The following MAP3K10 variants were observed in gnomAD, a reference collection of about 807,000 sequenced individuals.
The protein encoded by MAP3K10 is mitogen-activated protein kinase kinase kinase 10, also known as MKN28 derived nonreceptor_type serine/threonine kinase.
MAP3K10 carries 22 observed loss-of-function variants against 75.0 expected under a neutral mutation model. The ratio of observed to expected loss-of-function variants is 0.29; its 90% CI spans 0.21 to 0.42. The LOEUF is 0.42. MAP3K10 is among the 10% of genes least tolerant of loss of function. The pLI, the probability that MAP3K10 is intolerant of heterozygous loss-of-function variation, is 1.00. For missense variants in MAP3K10, 1,165 were observed against 1,379.8 expected, an observed-to-expected ratio of 0.84 and a Z score of 2.47; for synonymous variants, 599 against 612.9, an observed-to-expected ratio of 0.98 and a Z score of 0.34.
chr19:40,211,888 T>A lies in MAP3K10; in HGVS notation c.1553-917T>A, dbSNP rs574841394. Among the ~76,000 whole-genome samples the A allele has an allele frequency of 1.8e-4, 27 of 152,252 alleles. No individual in the cohort carries two copies. In the East Asian group the frequency reaches 5.0e-3, roughly 28 times the overall value. ...ACAGGCCTGCACCACCATGCCTGGCTAATTTTTGTATTTTTAGTAGAGATG... is the reference window on the plus strand; with the variant it reads ...ACAGGCCTGCACCACCATGCCTGGCAAATTTTTGTATTTTTAGTAGAGATG... On this transcript the variant is annotated intron_variant, in intron 6 of 9. Transcript: ENST00000253055.
chr19:40,214,686 A>C (rs1019148321), intron 9 of MAP3K10, among the ~76,000 whole-genome samples: 3 of 152,044 alleles, frequency 2.0e-5, no homozygotes, highest in Non-Finnish European at 4.4e-5. Flanking sequence ...AGTGCAGGAG[A>C]GTCGGGAAGA....
At chr19:40,197,216 G>T (rs1486271749) in intron 1 of MAP3K10, among the ~76,000 whole-genome samples, 1 of 152,168 alleles carries the variant, frequency 6.6e-6, no homozygotes, top group Non-Finnish European at 1.5e-5. Flanking sequence ...GTGCAAGAGG[G>T]CCAGCAGACA....
chr19:40,193,529 G>C (rs544197059), intron 1 of MAP3K10, among the ~76,000 whole-genome samples: 1 of 152,308 alleles, frequency 6.6e-6, no homozygotes, highest in African/African-American at 2.4e-5. Flanking sequence ...TATTAATTGA[G>C]CACCTATTAA....
Position 40,213,217 on chromosome 19 carries a change from G to A in MAP3K10, c.1837+29G>A. ...AGAGCCTGGGTTCTTGTAAGGGGGT[G>A]GGGGTTCCCTGGCCAAAGGGGTGAG... On this transcript the variant is annotated intron_variant, in intron 8 of 9. Coordinates refer to ENST00000253055, the MANE Select transcript of MAP3K10 (RefSeq NM_002446.4). This position sits in a 1 kb window ranked among gnomAD's most constrained non-coding sequence, Gnocchi z 5.7. 1 of 1,535,044 alleles carries A rather than the reference G, an allele frequency of 6.5e-7. No homozygotes were observed. The highest frequency in any genetic ancestry group is 8.8e-7 in the Non-Finnish European group (1 of 1,139,478).
intron 6 of MAP3K10, among the ~76,000 whole-genome samples, chr19:40,211,750 C>T (rs979349471): frequency 1.1e-4 from 17 of 152,086 alleles, no homozygotes; most frequent in South Asian, 4.2e-4. Flanking sequence ...GTGAGACAGA[C>T]GCTCGCTCTG....
chr19:40,207,282 C>T (rs1052109680), intron 5 of MAP3K10, among the ~76,000 whole-genome samples: 3 of 151,754 alleles, frequency 2.0e-5, no homozygotes, highest in Non-Finnish European at 2.9e-5. Flanking sequence ...GAGGGAGGCA[C>T]GTAGTGTCTA....
rs914609875 is a variant in MAP3K10, at chr19:40,208,533, T to G, written c.1436-570T>G. ...TTTAAAATTTAAACTCAAATTGCGGTAATTACAATAAAATAAAGAGTTGGC... is the reference window on the plus strand; with the variant it reads ...TTTAAAATTTAAACTCAAATTGCGGGAATTACAATAAAATAAAGAGTTGGC... On this transcript the variant is annotated intron_variant, in intron 5 of 9. Transcript: ENST00000253055. Among the ~76,000 whole-genome samples the G allele has an allele frequency of 2.7e-5, 4 of 150,174 alleles. No homozygotes were observed. The South Asian group carries it at 8.5e-4, about 32-fold the overall frequency.
chr19:40,215,305 A>G lies in MAP3K10; in HGVS notation c.*13A>G, dbSNP rs769951373. On this transcript the variant is annotated 3_prime_UTR_variant, in exon 10 of 10. Transcript: ENST00000253055. ...CGGCTCCCACTAAGGCCTGCCCACC[A>G]CCGCCCGCCTGGGCAGCCATGAATG... The G allele has an allele frequency of 1.3e-5, 19 of 1,495,706 alleles. 1 individual carries two copies. In the South Asian group the frequency reaches 2.4e-4, roughly 19 times the overall value. The allele number at this position is 1,495,706 out of a possible 1,614,324, so 92.7% of individuals were successfully genotyped here. A position where few individuals can be genotyped will look rare whatever the true frequency, so the allele number is the denominator to read the frequency against.
intron 1 of MAP3K10, among the ~76,000 whole-genome samples, chr19:40,197,652 T>G (rs1040075522): frequency 6.6e-6 from 1 of 152,046 alleles, no homozygotes; most frequent in Non-Finnish European, 1.5e-5. Context: ...GCAGAAAGAA[T>G]GGCAAAGTCT....
chr19:40,214,046 CAGCACCA>C lies in MAP3K10; in HGVS notation c.2369_2375del (p.Ser790ThrfsTer30). The C allele has an allele frequency of 6.5e-7, 1 of 1,538,724 alleles. No homozygotes were observed. Among genetic ancestry groups the C allele is most frequent in the Non-Finnish European group, 8.7e-7 (1 of 1,148,876 alleles). On this transcript the variant is annotated frameshift_variant, in exon 9 of 10. Coordinates refer to ENST00000253055, the MANE Select transcript of MAP3K10 (RefSeq NM_002446.4). LOFTEE classifies it high-confidence loss of function. ...CCGCGCCCACACCCACGCCCTCGCC[CAGCACCA>C]ACCCCCTGGTGGACCTGGAGCTGGA... is the stretch of plus-strand genomic sequence containing the variant.
intron 5 of MAP3K10, among the ~76,000 whole-genome samples, 155 bp from the exon 6 acceptor site, chr19:40,208,948 T>C (rs1260637942): frequency 6.6e-6 from 1 of 152,206 alleles, no homozygotes; most frequent in African/African-American, 2.4e-5. Flanking sequence ...GTGATGCTGC[T>C]GTTCTGGGGC....
chr19:40,192,107 G>C lies in MAP3K10; in HGVS notation c.76G>C (p.Asp26His). The C allele has an allele frequency of 1.3e-6, 2 of 1,559,902 alleles. No homozygotes were observed. The highest frequency in any genetic ancestry group is 1.7e-6 in the Non-Finnish European group (2 of 1,156,174). ...GGGGCCCGTCTGGACCGCGGTGTTC[G>C]ACTACGAGGCGGCGGGCGACGAGGA... Reference protein sequence around the residue: ...PAGPVWTAVFDYEAAGDEELT... With the variant: ...PAGPVWTAVFHYEAAGDEELT... Residue 26 changes from aspartate to histidine, a missense_variant, in exon 1 of 10, where the codon GAC becomes CAC. Coordinates refer to ENST00000253055, the MANE Select transcript of MAP3K10 (RefSeq NM_002446.4). The surrounding 1 kb of genome is among the most constrained non-coding windows in gnomAD (Gnocchi z 7.1).
rs978057379 is a variant in MAP3K10, at chr19:40,212,902, C to G, written c.1650C>G (p.Val550=). The G allele has an allele frequency of 4.3e-6, 7 of 1,613,168 alleles. No individual in the cohort carries two copies. Among genetic ancestry groups the G allele is most frequent in the Non-Finnish European group, 5.9e-6 (7 of 1,179,872 alleles). ...RGGPPKKEEL[V]GGKKKGRTWG... is the part of the protein sequence containing the mutation. ...GGCCCCCAAAGAAGGAAGAACTGGT[C>G]GGGGGCAAGAAGAAGGGACGAACGT... Residue 550 remains valine (V), a synonymous_variant, in exon 7 of 10, where the codon GTC becomes GTG. Coordinates refer to ENST00000253055, the MANE Select transcript of MAP3K10 (RefSeq NM_002446.4). This position sits in a 1 kb window ranked among gnomAD's most constrained non-coding sequence, Gnocchi z 4.2.
chr19:40,196,007 A>C (rs1972897974), intron 1 of MAP3K10, among the ~76,000 whole-genome samples: 1 of 152,218 alleles, frequency 6.6e-6, no homozygotes, highest in African/African-American at 2.4e-5. Context: ...CACTAATAAT[A>C]ACAGCTAACA....
In MAP3K10 at chr19:40,213,818, C is replaced by T. The variant is rs1379177068; in HGVS notation, c.2139C>T (p.Arg713=). ...RRWLDGLFFP[R]AGRFPRGLSP... ...GGCTCGACGGCCTCTTCTTTCCCCGCGCCGGCCGCTTCCCGCGGGGCCTCA... is the reference window on the plus strand; with the variant it reads ...GGCTCGACGGCCTCTTCTTTCCCCGTGCCGGCCGCTTCCCGCGGGGCCTCA... Residue 713 remains arginine, a synonymous_variant, in exon 9 of 10, where the codon CGC becomes CGT. Coordinates refer to ENST00000253055, the MANE Select transcript of MAP3K10 (RefSeq NM_002446.4). The surrounding 1 kb of genome is among the most constrained non-coding windows in gnomAD (Gnocchi z 5.7). 6 of 1,301,076 alleles carry T rather than the reference C, an allele frequency of 4.6e-6. No individual in the cohort carries two copies. Among genetic ancestry groups the T allele is most frequent in the South Asian group, 3.5e-5 (2 of 57,656 alleles). The allele number at this position is 1,301,076 out of a possible 1,614,324, so 80.6% of individuals were successfully genotyped here. A position where few individuals can be genotyped will look rare whatever the true frequency, so the allele number is the denominator to read the frequency against.
rs377470267 is a variant in MAP3K10, at chr19:40,206,416, A to T, written c.1435+259A>T. The stretch of plus-strand genomic sequence containing the variant: ...CCCATATTTACCAAAAAAAAAAAAA[A>T]TTTTTTTTAATTAGCTGGCCACGTT... On this transcript the variant is annotated intron_variant, in intron 5 of 9. Transcript: ENST00000253055. 2,223 of 323,670 alleles carry T rather than the reference A, an allele frequency of 6.9e-3. 12 individuals are homozygous for T. The highest frequency in any genetic ancestry group is 0.03 in the African/African-American group (1,385 of 46,488). The allele number at this position is 323,670 out of a possible 1,614,324, so 20.0% of individuals were successfully genotyped here.
intron 1 of MAP3K10, among the ~76,000 whole-genome samples, chr19:40,193,654 C>T (rs1972856155): frequency 6.6e-6 from 1 of 152,196 alleles, no homozygotes; most frequent in South Asian, 2.1e-4. Flanking sequence ...GTGCCAGACC[C>T]TGTCCCAGGG....
In MAP3K10 at chr19:40,213,813, C is replaced by G. The variant is rs1973289720; in HGVS notation, c.2134C>G (p.Pro712Ala). ...GCGCTGGCTCGACGGCCTCTTCTTT[C>G]CCCGCGCCGGCCGCTTCCCGCGGGG... ...QRRWLDGLFF[P>A]RAGRFPRGLS... The change falls in exon 9 of 10, where the codon CCC becomes GCC. Residue 712 changes from proline (P) to alanine (A), a missense_variant. By Grantham distance (27) the Pro-to-Ala change is conservative (BLOSUM62 -1). Transcript: ENST00000253055. This position sits in a 1 kb window ranked among gnomAD's most constrained non-coding sequence, Gnocchi z 5.7. 1.5e-6 allele frequency: 2 copies of G among 1,293,826 alleles called. No individual in the cohort carries two copies. Among genetic ancestry groups the G allele is most frequent in the Non-Finnish European group, 2.0e-6 (2 of 1,017,596 alleles). 80.1% of individuals were successfully genotyped at this position (1,293,826 alleles called of 1,614,324 possible).
intron 2 of MAP3K10, among the ~76,000 whole-genome samples, chr19:40,202,429 G>C (rs1973044674): frequency 6.6e-6 from 1 of 152,164 alleles, no homozygotes; most frequent in Non-Finnish European, 1.5e-5. Context: ...CGGCTTCGCA[G>C]GACAGGGATA....
Sources: gnomAD v4.1 joint callset for allele counts (sites outside exome capture counted in the v4.1 genomes callset) on GRCh38, gnomAD v4.1.1 for gene constraint, Gnocchi (gnomAD v3.1) non-coding constraint, MANE v1.5 for transcripts, NCBI Gene and HGNC (gene_info 2026-07-23, HGNC 2026-07-21) for gene names.